Variants in TJP1 observed in about 807,000 individuals in gnomAD.
The protein encoded by TJP1 is tight junction protein 1.
Under a neutral mutation model 194.2 loss-of-function variants are expected in TJP1, and 43 were observed. That is an observed-to-expected ratio of 0.22 (90% CI 0.17 to 0.29). The LOEUF is 0.29. TJP1 is among the 10% of genes least tolerant of loss of function. The pLI is 1.00. For synonymous variants in TJP1, 801 were observed against 779.0 expected, an observed-to-expected ratio of 1.03 and a Z score of -0.47; for missense variants, 1,971 against 2,185.7, an observed-to-expected ratio of 0.90 and a Z score of 1.96.
Position 29,877,783 on chromosome 15 carries a change from C to T in TJP1, c.307-77081G>A, listed in dbSNP as rs549979991. On this transcript the variant is annotated intron_variant, in intron 2 of 28. Transcript: ENST00000356107. The stretch of plus-strand genomic sequence containing the variant: ...AAGCCATTCTCTTGCCTCAGTCTCC[C>T]GAGTAGCTGGGATTACTGGGATTAC... 4.0e-5 allele frequency among the ~76,000 whole-genome samples: 6 copies of T among 151,806 alleles called. No homozygotes were observed. The South Asian group carries it at 1.3e-3, about 32-fold the overall frequency.
At chr15:29,739,123 G>A (rs1247555294) in intron 10 of TJP1, among the ~76,000 whole-genome samples, 2 of 152,012 alleles carry the variant, frequency 1.3e-5, no homozygotes, top group African/African-American at 2.4e-5. Context: ...CATCTAATGT[G>A]CTTCAAAAAG....
At chr15:29,950,443 T>A (rs918750454) in intron 2 of TJP1, among the ~76,000 whole-genome samples, 5 of 148,852 alleles carry the variant, frequency 3.4e-5, no homozygotes, top group Non-Finnish European at 6.0e-5. Context: ...CACCACCTCC[T>A]CTTCCACCAC....
At chr15:29,966,649 T>C (rs72721186) in intron 1 of TJP1, among the ~76,000 whole-genome samples, 16,113 of 114,344 alleles carry the variant, frequency 0.14, 999 homozygotes, top group South Asian at 0.31. Context: ...GGTACATTTG[T>C]ACCAGACATC....
In TJP1 at chr15:29,701,623, C is replaced by T. The variant is rs1423076043; in HGVS notation, c.5279G>A (p.Cys1760Tyr). The T allele has an allele frequency of 6.2e-7, 1 of 1,613,936 alleles. No individual in the cohort carries two copies. The highest frequency in any genetic ancestry group is 8.5e-7 in the Non-Finnish European group (1 of 1,179,982). The change falls in exon 28 of 28, where the codon TGT becomes TAT. Residue 1760 changes from cysteine to tyrosine, a missense_variant. Physicochemically the swap from Cys to Tyr is radical, Grantham distance 194 (BLOSUM62 -2). Coordinates refer to ENST00000614355, the MANE Select transcript of TJP1 (RefSeq NM_001330239.4). ...GDPNYLVGAN[C>Y]VSVLIDHF is the part of the protein sequence containing the mutation. ...AAAGTGGTCAATAAGGACAGAAACA[C>T]AGTTTGCTCCAACGAGATAATTTGG...
chr15:29,716,467 A>T, intron 23 of TJP1, 144 bp downstream of exon 23: 1 of 626,992 alleles, frequency 1.6e-6, no homozygotes, highest in Admixed American at 3.1e-5. Context: ...CACATCCCAG[A>T]ACTAAAAAGT....
intron 2 of TJP1, among the ~76,000 whole-genome samples, chr15:29,863,511 T>G (rs930429340): frequency 5.9e-5 from 9 of 152,016 alleles, no homozygotes; most frequent in African/African-American, 2.2e-4. Flanking sequence ...AATTCCTGAT[T>G]GGGGAGGAGG....
chr15:29,782,992 G>A (rs573325721), intron 2 of TJP1, among the ~76,000 whole-genome samples: 2 of 151,850 alleles, frequency 1.3e-5, no homozygotes, highest in East Asian at 1.9e-4. Flanking sequence ...CACAATGAGC[G>A]GCCGGGCGTG....
intron 15 of TJP1, among the ~76,000 whole-genome samples, chr15:29,731,543 G>A (rs1411165775): frequency 1.3e-5 from 2 of 152,168 alleles, no homozygotes; most frequent in Non-Finnish European, 2.9e-5. Context: ...CTTCCTGAAA[G>A]TCAGGGTTGG....
chr15:29,839,225 C>T (rs1347224130), intron 2 of TJP1, among the ~76,000 whole-genome samples: 1 of 151,940 alleles, frequency 6.6e-6, no homozygotes, highest in Non-Finnish European at 1.5e-5. Context: ...GTCTTGATTT[C>T]CTGACCTCGT....
At chr15:29,821,392 TA>T (rs1217972356) in intron 1 of TJP1, 1 of 152,228 alleles carries the variant, frequency 6.6e-6, no homozygotes, top group African/African-American at 2.4e-5. Context: ...TATTAAATGT[TA>T]AAGAGGTTAT....
At chr15:29,956,318 T>C (rs1328429532) in exon 2 of TJP1, 1 of 1,289,084 alleles carries the variant, frequency 7.8e-7, no homozygotes, top group South Asian at 1.2e-5. Context: ...TTTCCTTGGC[T>C]GACACTAGAA....
intron 2 of TJP1, among the ~76,000 whole-genome samples, chr15:29,840,546 G>C (rs2051187415): frequency 6.6e-6 from 1 of 152,140 alleles, no homozygotes; most frequent in African/African-American, 2.4e-5. Flanking sequence ...ACAGCACCCT[G>C]TTCCTCCAGG....
chr15:29,726,272 T>C (rs2043230082), intron 18 of TJP1, 107 bp downstream of exon 18: 1 of 941,970 alleles, frequency 1.1e-6, no homozygotes, highest in Non-Finnish European at 1.6e-6. Flanking sequence ...TTCCCCAAAT[T>C]TCTCCAATAT....
At chr15:29,968,786 A>G in exon 1 of TJP1, 1 of 1,215,282 alleles carries the variant, frequency 8.2e-7, no homozygotes, top group Non-Finnish European at 1.1e-6. Context: ...GCTCGCGGGC[A>G]GGGCCCCGCC....
chr15:29,804,542 T>A (rs1159300950), intron 1 of TJP1, among the ~76,000 whole-genome samples: 1 of 152,156 alleles, frequency 6.6e-6, no homozygotes, highest in African/African-American at 2.4e-5. Context: ...GAAGAATACC[T>A]AAGAAACGCA....
chr15:29,813,444 C>A (rs1303762808), intron 1 of TJP1, among the ~76,000 whole-genome samples: 1 of 152,122 alleles, frequency 6.6e-6, no homozygotes, highest in Non-Finnish European at 1.5e-5. Flanking sequence ...CCAATAAAGT[C>A]CTCATACAAT....
At chr15:29,852,518 T>C (rs924237924) in intron 2 of TJP1, among the ~76,000 whole-genome samples, 1 of 152,236 alleles carries the variant, frequency 6.6e-6, no homozygotes, top group African/African-American at 2.4e-5. Flanking sequence ...TGTGATATAG[T>C]ACAGCCACTC....
At chr15:29,784,751 T>C (rs2047591206) in intron 2 of TJP1, among the ~76,000 whole-genome samples, 1 of 152,162 alleles carries the variant, frequency 6.6e-6, no homozygotes, top group African/African-American at 2.4e-5. Context: ...ACGAGATACA[T>C]GGATAGGACT....
chr15:29,810,719 A>G (rs898923483), intron 1 of TJP1, among the ~76,000 whole-genome samples: 5 of 152,194 alleles, frequency 3.3e-5, no homozygotes, highest in Non-Finnish European at 7.3e-5. Context: ...GTTTTGACCT[A>G]GTTTCTGGGC....
Sources: gnomAD v4.1 joint callset for allele counts (sites outside exome capture counted in the v4.1 genomes callset) on GRCh38, gnomAD v4.1.1 for gene constraint, MANE v1.5 for transcripts, NCBI Gene and HGNC (gene_info 2026-07-23, HGNC 2026-07-21) for gene names.